GALNT8: variants seen among roughly 807,000 people sequenced by gnomAD.
The protein encoded by GALNT8 is polypeptide N-acetylgalactosaminyltransferase 8.
A neutral mutation model predicts 62.7 loss-of-function variants in GALNT8; 66 were observed. The ratio of observed to expected loss-of-function variants is 1.05; its 90% confidence interval spans 0.86 to 1.29. GALNT8 has a LOEUF of 1.29. Among genes scored for constraint, GALNT8 ranks in the 50% most tolerant of loss-of-function variants. The pLI is 0.00. For synonymous variants in GALNT8, 288 were observed against 294.3 expected (o/e 0.98, Z 0.22); for missense variants, 771 against 791.8 (o/e 0.97, Z 0.32).
intron 2 of GALNT8, among the ~76,000 whole-genome samples, chr12:4,731,796 T>C (rs1280420051): frequency 6.6e-6 from 1 of 152,222 alleles, no homozygotes; most frequent in Non-Finnish European, 1.5e-5. Context: ...TAGAGATTTG[T>C]GTATGTTGGA....
chr12:4,751,724 C>T lies in GALNT8; in HGVS notation c.1173+5466C>T, dbSNP rs574478266. On this transcript the variant is annotated intron_variant, in intron 6 of 10. Transcript: ENST00000252318. ...CCATGTGCTGAGGAGAAGTGTATTCCGCAGCCACTGGATGAAATGTCTGTA... is the reference window on the plus strand; with the variant it reads ...CCATGTGCTGAGGAGAAGTGTATTCTGCAGCCACTGGATGAAATGTCTGTA... Among the ~76,000 whole-genome samples the T allele has an allele frequency of 4.6e-5, 7 of 152,142 alleles. No individual in the cohort carries two copies. In the East Asian group the frequency reaches 7.7e-4, roughly 17 times the overall value.
intron 2 of GALNT8, among the ~76,000 whole-genome samples, chr12:4,729,189 TATG>T (rs1239967970): frequency 1.7e-4 from 26 of 152,186 alleles, no homozygotes; most frequent in Non-Finnish European, 1.5e-5. Flanking sequence ...TCATGTACAA[TATG>T]ATGTTTTGAA....
chr12:4,769,583 T>C (rs1011217487), intron 10 of GALNT8, among the ~76,000 whole-genome samples: 1 of 152,120 alleles, frequency 6.6e-6, no homozygotes, highest in Non-Finnish European at 1.5e-5. Context: ...GAAATCTATT[T>C]CAAAAAATTA....
chr12:4,725,325 G>A (rs1027503580), intron 1 of GALNT8, among the ~76,000 whole-genome samples: 4 of 152,132 alleles, frequency 2.6e-5, no homozygotes, highest in Non-Finnish European at 1.5e-5. Flanking sequence ...AATAGATGAC[G>A]TCATGGATCC....
At chr12:4,729,139 T>A (rs1292907085) in intron 2 of GALNT8, among the ~76,000 whole-genome samples, 2 of 151,916 alleles carry the variant, frequency 1.3e-5, no homozygotes, top group Non-Finnish European at 2.9e-5. Flanking sequence ...TGACTGTTTT[T>A]AAAAATATTT....
chr12:4,765,411 T>C lies in GALNT8; in HGVS notation c.1626T>C (p.Tyr542=), dbSNP rs1330668999. Residue 542 remains tyrosine (Y), a synonymous_variant, in exon 10 of 11, where the codon TAT becomes TAC. Coordinates refer to ENST00000252318, the MANE Select transcript of GALNT8 (RefSeq NM_017417.2). The part of the protein sequence containing the change: ...NVYYHLTGEL[Y]VGQLIAEASA... The stretch of plus-strand genomic sequence containing the variant: ...ACTATCACCTAACTGGGGAGCTCTA[T>C]GTGGGACAACTGATTGCAGAGGCCA... The C allele has an allele frequency of 6.3e-7, 1 of 1,599,634 alleles. No individual in the cohort carries two copies. The highest frequency in any genetic ancestry group is 1.7e-5 in the Admixed American group (1 of 59,230).
At chr12:4,735,952 C>A (rs922977145) in intron 2 of GALNT8, among the ~76,000 whole-genome samples, 1 of 152,148 alleles carries the variant, frequency 6.6e-6, no homozygotes, top group African/African-American at 2.4e-5. Flanking sequence ...TTGTCTGAAA[C>A]AACAGAGATC....
chr12:4,756,716 C>T (rs1946346738), intron 6 of GALNT8, among the ~76,000 whole-genome samples: 1 of 152,186 alleles, frequency 6.6e-6, no homozygotes, highest in Non-Finnish European at 1.5e-5. Flanking sequence ...AAACTGATGA[C>T]CCCATAGCCA....
intron 3 of GALNT8, 151 bp from the exon 4 acceptor site, chr12:4,744,366 A>G (rs368233751): frequency 5.9e-5 from 35 of 588,890 alleles, no homozygotes; most frequent in East Asian, 4.0e-4. Flanking sequence ...AGGCAGGTGC[A>G]GGGGAAATAC....
rs755717199 is a variant in GALNT8, at chr12:4,764,076, C to T, written c.1593+29C>T. ...TCTTCCACAATCTTCCTGGCCCTGCCTGGGCAAGTCTGTCGTGGCTCAGCC... is the reference window on the plus strand; with the variant it reads ...TCTTCCACAATCTTCCTGGCCCTGCTTGGGCAAGTCTGTCGTGGCTCAGCC... On this transcript the variant is annotated intron_variant, in intron 9 of 10. Coordinates refer to ENST00000252318, the MANE Select transcript of GALNT8 (RefSeq NM_017417.2). The T allele has an allele frequency of 1.1e-5, 13 of 1,219,852 alleles. No individual in the cohort carries two copies. The South Asian group carries it at 1.3e-4, about 12-fold the overall frequency. The allele number at this position is 1,219,852 out of a possible 1,614,324, so 75.6% of individuals were successfully genotyped here.
At chr12:4,725,615 GCA>G (rs1946191653) in intron 1 of GALNT8, among the ~76,000 whole-genome samples, 1 of 149,242 alleles carries the variant, frequency 6.7e-6, no homozygotes, top group Non-Finnish European at 1.5e-5. Context: ...GAGTGCAGTG[GCA>G]CAATCTCGGC....
chr12:4,756,352 C>T (rs1345996380), intron 6 of GALNT8, among the ~76,000 whole-genome samples: 1 of 152,174 alleles, frequency 6.6e-6, no homozygotes, highest in Non-Finnish European at 1.5e-5. Context: ...CCTGCTTTGC[C>T]TCTTAAGAGT....
chr12:4,738,661 T>G (rs185970751), intron 2 of GALNT8, among the ~76,000 whole-genome samples: 1 of 152,218 alleles, frequency 6.6e-6, no homozygotes, highest in East Asian at 1.9e-4. Context: ...CGTGCCTATG[T>G]GCAGTTTGTA....
Position 4,726,606 on chromosome 12 carries a change from C to G in GALNT8, c.286C>G (p.Arg96Gly). 6.2e-7 allele frequency: 1 copy of G among 1,612,844 alleles called. No individual in the cohort carries two copies. The highest frequency in any genetic ancestry group is 8.5e-7 in the Non-Finnish European group (1 of 1,178,924). Residue 96 changes from arginine to glycine, a missense_variant, in exon 2 of 11, where the codon CGC (arginine) becomes GGC (glycine). By Grantham distance (125) the Arg-to-Gly change is moderately radical. Coordinates refer to ENST00000252318, the MANE Select transcript of GALNT8 (RefSeq NM_017417.2). This position sits in a 1 kb window ranked among gnomAD's most constrained non-coding sequence, Gnocchi z 4.1. Reference protein sequence around the residue: ...STLKRAKDEVRPLLKAMETKV... With the variant: ...STLKRAKDEVGPLLKAMETKV... ...ACTGAAGAGGGCGAAAGATGAAGTA[C>G]GCCCTCTTCTAAAGGCAATGGAAAC...
rs941715419 is a variant in GALNT8, at chr12:4,749,919, T to C, written c.1173+3661T>C. Among the ~76,000 whole-genome samples the C allele has an allele frequency of 6.6e-6, 1 of 152,162 alleles. No individual in the cohort carries two copies. Among genetic ancestry groups the C allele is most frequent in the Non-Finnish European group, 1.5e-5 (1 of 68,030 alleles). ...CAAGTTCAATGTGTCTAGGAATTTG[T>C]CCATTTCTTCTAGATTTTCCAACTT... On this transcript the variant is annotated intron_variant, in intron 6 of 10. Transcript: ENST00000252318. This position sits in a 1 kb window ranked among gnomAD's most constrained non-coding sequence, Gnocchi z 4.1.
chr12:4,744,768 A>G, intron 4 of GALNT8, 68 bp downstream of exon 4: 6 of 1,029,152 alleles, frequency 5.8e-6, no homozygotes, highest in Non-Finnish European at 8.6e-6. Context: ...TACTGAACAC[A>G]AGACAGGATA....
rs146496646 is a variant in GALNT8, at chr12:4,726,607, G to A, written c.287G>A (p.Arg96His). The A allele has an allele frequency of 5.6e-6, 9 of 1,612,944 alleles. No homozygotes were observed. The highest frequency in any genetic ancestry group is 7.6e-6 in the Non-Finnish European group (9 of 1,179,160). The change falls in exon 2 of 11, where the codon CGC (arginine) becomes CAC (histidine). Residue 96 changes from arginine (R) to histidine (H), a missense_variant. Arg to His is a conservative substitution (Grantham distance 29, BLOSUM62 0). Transcript: ENST00000252318. This position sits in a 1 kb window ranked among gnomAD's most constrained non-coding sequence, Gnocchi z 4.1. ...CTGAAGAGGGCGAAAGATGAAGTAC[G>A]CCCTCTTCTAAAGGCAATGGAAACC... ...STLKRAKDEV[R>H]PLLKAMETKV...
chr12:4,762,738 T>C (rs868059792), intron 7 of GALNT8, among the ~76,000 whole-genome samples: 1 of 152,236 alleles, frequency 6.6e-6, no homozygotes, highest in Non-Finnish European at 1.5e-5. Context: ...CTCAGTTCCA[T>C]CATGCGTGGT....
chr12:4,726,946 C>G lies in GALNT8; in HGVS notation c.509+117C>G. The G allele has an allele frequency of 1.2e-6, 1 of 821,490 alleles. No homozygotes were observed. Among genetic ancestry groups the G allele is most frequent in the South Asian group, 1.7e-5 (1 of 58,770 alleles). 50.9% of individuals were successfully genotyped at this position (821,490 alleles called of 1,614,324 possible). On this transcript the variant is annotated intron_variant, in intron 2 of 10. Transcript: ENST00000252318. This position sits in a 1 kb window ranked among gnomAD's most constrained non-coding sequence, Gnocchi z 4.1. ...GGGATTGTTGGGGAAGGGGTTCAGG[C>G]TGAGCAAAGTTGTTGTTTTCAATTT... is the stretch of plus-strand genomic sequence containing the variant.
Sources: gnomAD v4.1 joint callset for allele counts (sites outside exome capture counted in the v4.1 genomes callset) on GRCh38, gnomAD v4.1.1 for gene constraint, Gnocchi (gnomAD v3.1) non-coding constraint, MANE v1.5 for transcripts, NCBI Gene and HGNC (gene_info 2026-07-23, HGNC 2026-07-21) for gene names.